ARL17B: variants seen among roughly 807,000 people sequenced by gnomAD.
ARL17B encodes the protein ADP-ribosylation factor-like protein 17.
At chr17:46,288,437 T>A (rs1225099908) in intron 4 of ARL17B, among the ~76,000 whole-genome samples, 6 of 151,432 alleles carry the variant, frequency 4.0e-5, no homozygotes, top group African/African-American at 1.5e-4. Flanking sequence ...GCTTCCCAAG[T>A]AGCTGGGATT....
At chr17:46,291,077 A>G (rs2050052938) in intron 4 of ARL17B, among the ~76,000 whole-genome samples, 1 of 152,258 alleles carries the variant, frequency 6.6e-6, no homozygotes, top group African/African-American at 2.4e-5. Context: ...TAAAGTCAAA[A>G]GAGAAGCAAT....
intron 4 of ARL17B, among the ~76,000 whole-genome samples, chr17:46,279,366 T>G (rs1276545006): frequency 6.6e-6 from 1 of 151,530 alleles, no homozygotes; most frequent in Non-Finnish European, 1.5e-5. Context: ...GTATTTTTAA[T>G]AGAGACGAGG....
At chr17:46,278,398 TTTG>T (rs1411051643) in intron 4 of ARL17B, among the ~76,000 whole-genome samples, 1 of 138,712 alleles carries the variant, frequency 7.2e-6, no homozygotes, top group African/African-American at 2.8e-5. Context: ...TTTGTTTTAT[TTTG>T]TTTTTTTTTT....
chr17:46,281,902 C>T (rs2049772316), intron 4 of ARL17B, among the ~76,000 whole-genome samples: 1 of 152,192 alleles, frequency 6.6e-6, no homozygotes, highest in African/African-American at 2.4e-5. Context: ...CCTCGGCCTC[C>T]CAAAGTGCTG....
At chr17:46,286,600 C>T (rs1270394462) in intron 4 of ARL17B, among the ~76,000 whole-genome samples, 1 of 151,914 alleles carries the variant, frequency 6.6e-6, no homozygotes, top group Non-Finnish European at 1.5e-5. Context: ...GTGTCTCAAA[C>T]ATTCACTATG....
At chr17:46,278,626 A>C (rs559776997) in intron 4 of ARL17B, among the ~76,000 whole-genome samples, 2 of 150,292 alleles carry the variant, frequency 1.3e-5, no homozygotes, top group Non-Finnish European at 3.0e-5. Flanking sequence ...CTGGTCTCAA[A>C]CTCCTGACCT....
At chr17:46,287,192 C>T (rs1484650961) in intron 4 of ARL17B, among the ~76,000 whole-genome samples, 3 of 152,212 alleles carry the variant, frequency 2.0e-5, no homozygotes, top group Admixed American at 1.3e-4. Context: ...AAGTACACTG[C>T]TTAGTGAAAT....
chr17:46,317,190 C>T (rs1320046883), intron 3 of ARL17B, among the ~76,000 whole-genome samples: 1 of 81,884 alleles, frequency 1.2e-5, no homozygotes, highest in African/African-American at 3.1e-5. Flanking sequence ...CGGGCATGCC[C>T]AGTTAGTTTT....
At chr17:46,286,188 T>C (rs1490995389) in intron 4 of ARL17B, among the ~76,000 whole-genome samples, 2 of 152,274 alleles carry the variant, frequency 1.3e-5, no homozygotes, top group African/African-American at 2.4e-5. Context: ...CCCTGGGATA[T>C]AAAATAGTTT....
chr17:46,282,184 G>A (rs986187287), intron 4 of ARL17B, among the ~76,000 whole-genome samples: 1 of 123,414 alleles, frequency 8.1e-6, no homozygotes, highest in Non-Finnish European at 2.0e-5. Context: ...CTCACTGCAA[G>A]CTCTGTCTCC....
intron 4 of ARL17B, among the ~76,000 whole-genome samples, chr17:46,276,435 G>A (rs1437432417): frequency 3.3e-5 from 5 of 152,272 alleles, no homozygotes; most frequent in East Asian, 3.9e-4. Flanking sequence ...TTTGGATTAC[G>A]TAATCACAAG....
downstream of ARL17B, chr17:46,274,746 T>C (rs1041749289): frequency 1.3e-5 from 2 of 152,676 alleles, no homozygotes; most frequent in African/African-American, 4.8e-5. Flanking sequence ...GGAGTTATAC[T>C]TGACCCCACA....
At chr17:46,289,145 C>A (rs2957298) in intron 4 of ARL17B, among the ~76,000 whole-genome samples, 12,369 of 137,742 alleles carry the variant, frequency 0.09, 1 homozygote, top group Middle Eastern at 0.16. Context: ...CATCCACGAA[C>A]AAATTTGGTG....
intron 3 of ARL17B, among the ~76,000 whole-genome samples, chr17:46,317,178 G>C (rs2051198457): frequency 3.5e-5 from 3 of 86,146 alleles, no homozygotes; most frequent in Admixed American, 1.2e-4. Flanking sequence ...TCACATCCCA[G>C]ACGGGCATGC....
chr17:46,315,748 G>A (rs1336459161), intron 3 of ARL17B, among the ~76,000 whole-genome samples: 2 of 27,020 alleles, frequency 7.4e-5, no homozygotes, highest in Non-Finnish European at 1.8e-4. Flanking sequence ...ATTTTATAAC[G>A]TTGTAGTTCA....
intron 4 of ARL17B, among the ~76,000 whole-genome samples, chr17:46,279,171 C>G (rs1233010097): frequency 6.6e-6 from 1 of 151,168 alleles, no homozygotes; most frequent in Admixed American, 6.6e-5. Context: ...GCTAATAAGG[C>G]ATTCTTTTTT....
chr17:46,276,859 A>G (rs2049603754), intron 4 of ARL17B, among the ~76,000 whole-genome samples: 1 of 144,482 alleles, frequency 6.9e-6, no homozygotes, highest in African/African-American at 2.6e-5. Context: ...TCTGGAGTGC[A>G]GTGGCACAAT....
intron 4 of ARL17B, chr17:46,275,484 A>C (rs1285594960): frequency 7.3e-6 from 5 of 681,734 alleles, no homozygotes; most frequent in Non-Finnish European, 1.3e-5. Flanking sequence ...CTTTATGCGG[A>C]TGCCAAAGTA....
chr17:46,277,637 T>TTTTC (rs112114151), intron 4 of ARL17B, among the ~76,000 whole-genome samples: 9,853 of 149,526 alleles, frequency 0.066, 478 homozygotes, highest in African/African-American at 0.12. Context: ...TTTTCTTTTC[T>TTTTC]TTTCTTTCTT....
Sources: gnomAD v4.1 joint callset for allele counts (sites outside exome capture counted in the v4.1 genomes callset) on GRCh38, gnomAD v4.1.1 for gene constraint, MANE v1.5 for transcripts, NCBI Gene and HGNC (gene_info 2026-07-23, HGNC 2026-07-21) for gene names.